BAAT: variants seen among roughly 807,000 people sequenced by gnomAD.
BAAT encodes bile acid CoA: amino acid N-acyltransferase (glycine N-choloyltransferase).
Under a neutral mutation model 18.9 loss-of-function variants are expected in BAAT, and 13 were observed. That is an observed-to-expected ratio of 0.69 (90% CI 0.45 to 1.10). The LOEUF (loss-of-function observed/expected upper bound fraction) is 1.10, where lower values mean the gene tolerates loss of function less well. BAAT is among the 50% of genes least tolerant of loss of function. The probability of loss-of-function intolerance (pLI) is 0.00; values close to 1 mark genes in which losing one functional copy is unlikely to be tolerated. For synonymous variants in BAAT, 170 were observed against 190.7 expected (o/e 0.89, Z 0.89); for missense variants, 489 against 504.0 (o/e 0.97, Z 0.28).
intron 1 of BAAT, among the ~76,000 whole-genome samples, chr9:101,374,513 T>A (rs544131847): frequency 2.0e-5 from 3 of 152,250 alleles, no homozygotes; most frequent in African/African-American, 4.8e-5. Flanking sequence ...CCAATATTTT[T>A]AAAAATATCT....
intron 3 of BAAT, among the ~76,000 whole-genome samples, chr9:101,365,254 G>T (rs1275193501): frequency 6.6e-6 from 1 of 151,908 alleles, no homozygotes; most frequent in Non-Finnish European, 1.5e-5. Flanking sequence ...TATTTTAATT[G>T]ATCTCCTATA....
intron 3 of BAAT, among the ~76,000 whole-genome samples, chr9:101,367,371 T>A (rs1206308429): frequency 6.6e-6 from 1 of 152,204 alleles, no homozygotes; most frequent in African/African-American, 2.4e-5. Flanking sequence ...AGCTAGTTAA[T>A]AATTAGAGCT....
intron 2 of BAAT, among the ~76,000 whole-genome samples, chr9:101,370,303 A>G (rs1056963907): frequency 7.3e-6 from 1 of 137,900 alleles, no homozygotes; most frequent in Non-Finnish European, 1.6e-5. Flanking sequence ...TATGATAAGC[A>G]TTTTGCATGC....
rs527932718 is a variant in BAAT, at chr9:101,382,388, CTG to C, written c.-60+2465_-60+2466del. Among the ~76,000 whole-genome samples, 166 of 152,274 alleles carry C rather than the reference CTG, an allele frequency of 1.1e-3. 1 individual carries two copies. The highest frequency in any genetic ancestry group is 3.8e-3 in the African/African-American group (156 of 41,560). On this transcript the variant is annotated intron_variant, in intron 1 of 3. Transcript: ENST00000259407. ...CATGCATAAAACTCCAGTAAACACA[CTG>C]TGCATGCCCACATCCCAAGCACAAG...
At chr9:101,370,883 T>A in intron 2 of BAAT, 56 bp downstream of exon 2, 9 of 1,555,082 alleles carry the variant, frequency 5.8e-6, no homozygotes, top group South Asian at 2.2e-5. Flanking sequence ...TCTAGACGGA[T>A]AATGTATTTA....
At chr9:101,365,678 C>T (rs902051068) in intron 3 of BAAT, among the ~76,000 whole-genome samples, 5 of 151,938 alleles carry the variant, frequency 3.3e-5, no homozygotes, top group Non-Finnish European at 5.9e-5. Flanking sequence ...GAACTACAGG[C>T]GCCCGCCACC....
At position 101,373,351 on chromosome 9, in the gene BAAT, G is replaced by T. The variant is rs139921180; in HGVS notation, c.-59-1888C>A. ...GTATCAAATAGCTGAGGAAAGACTA[G>T]AATTTATTTTTAAATTCTGTGACTG... On this transcript the variant is annotated intron_variant, in intron 1 of 3. Transcript: ENST00000259407. Among the ~76,000 whole-genome samples, 1,409 of 152,222 alleles carry T rather than the reference G, an allele frequency of 9.3e-3. 6 individuals carry two copies. The highest frequency in any genetic ancestry group is 0.014 in the Non-Finnish European group (947 of 68,000).
In BAAT at chr9:101,361,417, G is replaced by A. The variant is rs1036268224; in HGVS notation, c.*1011C>T. 2.0e-5 allele frequency: 3 copies of A among 152,606 alleles called. No homozygotes were observed. The highest frequency in any genetic ancestry group is 4.8e-5 in the African/African-American group (2 of 41,448). 9.5% of individuals were successfully genotyped at this position (152,606 alleles called of 1,614,324 possible). ...AAAAAAATTTTTTAATATTTGCAAA[G>A]GACTGTACAGCAAACAACCATGTGG... is the stretch of plus-strand genomic sequence containing the variant. On this transcript the variant is annotated 3_prime_UTR_variant, in exon 4 of 4. Coordinates refer to ENST00000259407, the MANE Select transcript of BAAT (RefSeq NM_001701.4).
chr9:101,384,357 C>T (rs1158892231), intron 1 of BAAT, among the ~76,000 whole-genome samples: 3 of 152,092 alleles, frequency 2.0e-5, no homozygotes, highest in Non-Finnish European at 4.4e-5. Flanking sequence ...CAATCATAAG[C>T]TTATGGGAAA....
At chr9:101,363,135 A>G in intron 3 of BAAT, 120 bp from the exon 4 acceptor site, 1 of 919,472 alleles carries the variant, frequency 1.1e-6, no homozygotes, top group Admixed American at 2.1e-5. Flanking sequence ...AATCCTACCC[A>G]CATCCCTAGC....
Position 101,368,225 on chromosome 9 carries a change from G to C in BAAT, c.564C>G (p.Ser188=), listed in dbSNP as rs1164013317. 1.2e-6 allele frequency: 2 copies of C among 1,614,020 alleles called. No individual in the cohort carries two copies. The highest frequency in any genetic ancestry group is 1.1e-5 in the South Asian group (1 of 91,084). Residue 188 remains serine, a synonymous_variant, in exon 3 of 4, where the codon TCC becomes TCG. Coordinates refer to ENST00000259407, the MANE Select transcript of BAAT (RefSeq NM_001701.4). ...CATAGTTATGGTAAGCCAAGGCCAAGGAGGCGAAGCCACGACTGGCTAGGA... is the reference window on the plus strand; with the variant it reads ...CATAGTTATGGTAAGCCAAGGCCAACGAGGCGAAGCCACGACTGGCTAGGA... ...ASLLASRGFA[S]LALAYHNYED... is the part of the protein sequence containing the mutation.
intron 1 of BAAT, among the ~76,000 whole-genome samples, chr9:101,374,089 G>C (rs1385227451): frequency 6.6e-6 from 1 of 151,988 alleles, no homozygotes; most frequent in Non-Finnish European, 1.5e-5. Flanking sequence ...ATGTCTGAAG[G>C]ACTCCATTTA....
At chr9:101,372,704 T>C (rs1323630559) in intron 1 of BAAT, among the ~76,000 whole-genome samples, 2 of 150,684 alleles carry the variant, frequency 1.3e-5, no homozygotes, top group Non-Finnish European at 2.9e-5. Context: ...TCTACATGAA[T>C]TGAACTCCAG....
Position 101,362,975 on chromosome 9 carries a change from C to A in BAAT, c.710G>T (p.Gly237Val), listed in dbSNP as rs534864929. 1 of 1,613,950 alleles carries A rather than the reference C, an allele frequency of 6.2e-7. No homozygotes were observed. The highest frequency in any genetic ancestry group is 1.1e-5 in the South Asian group (1 of 91,076). Residue 237 changes from glycine to valine, a missense_variant, in exon 4 of 4, where the codon GGA (glycine) becomes GTA (valine). Coordinates refer to ENST00000259407, the MANE Select transcript of BAAT (RefSeq NM_001701.4). ...SGVGVVSVCQ[G>V]VQIGLSMAIY... ...AGCCATAGATAGTCCAATCTGTACTCCTTGACATACAGAGACTACCCCAAC... is the reference window on the plus strand; with the variant it reads ...AGCCATAGATAGTCCAATCTGTACTACTTGACATACAGAGACTACCCCAAC...
At chr9:101,379,373 C>T (rs550962263) in intron 1 of BAAT, among the ~76,000 whole-genome samples, 3 of 152,308 alleles carry the variant, frequency 2.0e-5, no homozygotes, top group African/African-American at 4.8e-5. Flanking sequence ...CCAATTTATA[C>T]AGCTATTGCA....
chr9:101,365,274 C>T (rs2119017366), intron 3 of BAAT, among the ~76,000 whole-genome samples: 1 of 151,956 alleles, frequency 6.6e-6, no homozygotes, highest in South Asian at 2.1e-4. Context: ...ATTTTAAAGG[C>T]ATTTTATAAA....
intron 3 of BAAT, 85 bp downstream of exon 3, chr9:101,368,035 G>T: frequency 1.4e-6 from 2 of 1,429,822 alleles, no homozygotes; most frequent in East Asian, 2.3e-5. Flanking sequence ...CTGGGTGACG[G>T]AGCAAGACCC....
At chr9:101,365,979 TA>T (rs1829819543) in intron 3 of BAAT, among the ~76,000 whole-genome samples, 1 of 152,182 alleles carries the variant, frequency 6.6e-6, no homozygotes, top group South Asian at 2.1e-4. Flanking sequence ...TTCTTTGGGG[TA>T]AGAACATTTA....
intron 3 of BAAT, among the ~76,000 whole-genome samples, chr9:101,367,474 C>G (rs142285412): frequency 1.1e-4 from 17 of 150,652 alleles, no homozygotes; most frequent in African/African-American, 4.1e-4. Context: ...TTGCCAGGTT[C>G]TATGATAAGC....
Sources: allele counts gnomAD v4.1 joint callset (sites outside exome capture counted in the v4.1 genomes callset), GRCh38; gene constraint gnomAD v4.1.1; transcripts MANE v1.5; gene names NCBI Gene and HGNC (gene_info 2026-07-23, HGNC 2026-07-21).